Variants in CFAP97 observed in about 807,000 individuals in gnomAD.
CFAP97 encodes cilia- and flagella-associated protein 97.
A neutral mutation model predicts 43.1 loss-of-function variants in CFAP97; 36 were observed. That is an observed-to-expected ratio of 0.84 (90% CI 0.64 to 1.10). The LOEUF (loss-of-function observed/expected upper bound fraction) is 1.10. Among genes scored for constraint, CFAP97 ranks in the 50% least tolerant of loss-of-function variants. The pLI is 0.00. For synonymous variants in CFAP97, 228 were observed against 225.7 expected (o/e 1.01, Z -0.09); for missense variants, 657 against 620.3 (o/e 1.06, Z -0.63).
intron 2 of CFAP97, among the ~76,000 whole-genome samples, chr4:185,187,803 T>C (rs1300742738): frequency 6.6e-6 from 1 of 151,784 alleles, no homozygotes; most frequent in Non-Finnish European, 1.5e-5. Context: ...TCAGTATTTG[T>C]TTTAAGAGTT....
upstream of CFAP97, among the ~76,000 whole-genome samples, chr4:185,206,367 G>A (rs1737186775): frequency 6.6e-6 from 1 of 152,154 alleles, no homozygotes; most frequent in Non-Finnish European, 1.5e-5. Context: ...TGGTCTGCAG[G>A]ACAGACAGAA....
chr4:185,170,069 C>T, intron 3 of CFAP97: 1 of 1,204,218 alleles, frequency 8.3e-7, no homozygotes, highest in Non-Finnish European at 1.0e-6. Context: ...TCCTACAGGC[C>T]AGGCACAGTG....
At chr4:185,206,660 CAAAAAAAA>C (rs375061067), upstream of CFAP97, among the ~76,000 whole-genome samples, 1 of 77,438 alleles carries the variant, frequency 1.3e-5, no homozygotes, top group Non-Finnish European at 2.3e-5. Context: ...ACTCTTGTCT[CAAAAAAAA>C]AAAAAAAAAA....
At chr4:185,181,486 C>A (rs541734470) in intron 2 of CFAP97, among the ~76,000 whole-genome samples, 1 of 151,698 alleles carries the variant, frequency 6.6e-6, no homozygotes, top group African/African-American at 2.4e-5. Context: ...CCACCACGCA[C>A]GGCTAATTTT....
chr4:185,206,794 G>T (rs1390513415), upstream of CFAP97, among the ~76,000 whole-genome samples: 1 of 152,032 alleles, frequency 6.6e-6, no homozygotes. Context: ...TGGAGGCTGA[G>T]AACTCTGATG....
At position 185,191,075 on chromosome 4, in the gene CFAP97, T is replaced by G. The variant is rs751068719; in HGVS notation, c.122A>C (p.Lys41Thr). ...SVFDKQNDDP[K>T]ERIDKDTKNV... is the part of the protein sequence containing the mutation. Reference sequence around the variant, plus strand: ...TTTTGTATCTTTATCTATTCTTTCCTTTGGGTCATCATTTTGCTTGTCAAA... The same window carrying G: ...TTTTGTATCTTTATCTATTCTTTCCGTTGGGTCATCATTTTGCTTGTCAAA... Residue 41 changes from lysine to threonine, a missense_variant, in exon 2 of 5, where the codon AAG (lysine) becomes ACG (threonine). Transcript: ENST00000458385. 1 of 1,613,330 alleles carries G rather than the reference T, an allele frequency of 6.2e-7. No homozygotes were observed. Among genetic ancestry groups the G allele is most frequent in the South Asian group, 1.1e-5 (1 of 90,890 alleles).
intron 1 of CFAP97, among the ~76,000 whole-genome samples, chr4:185,199,884 G>A (rs1736747405): frequency 6.6e-6 from 1 of 152,116 alleles, no homozygotes; most frequent in African/African-American, 2.4e-5. Flanking sequence ...TCACCCAATA[G>A]CTCTAATGAA....
intron 1 of CFAP97, among the ~76,000 whole-genome samples, chr4:185,200,282 G>A (rs1486283462): frequency 6.6e-6 from 1 of 152,190 alleles, no homozygotes; most frequent in South Asian, 2.1e-4. Flanking sequence ...GACCAGTTGA[G>A]CCCAGAAGTT....
intron 3 of CFAP97, among the ~76,000 whole-genome samples, chr4:185,168,334 C>T (rs991184229): frequency 2.0e-5 from 3 of 151,110 alleles, no homozygotes; most frequent in African/African-American, 4.9e-5. Flanking sequence ...TGGCTGGGTG[C>T]GGTGGCTCAC....
intron 2 of CFAP97, among the ~76,000 whole-genome samples, chr4:185,189,107 C>A (rs183482917): frequency 1.4e-4 from 21 of 152,178 alleles, no homozygotes; most frequent in Admixed American, 1.4e-3. Context: ...TGTGGTGGGG[C>A]ATGACTGTGG....
upstream of CFAP97, among the ~76,000 whole-genome samples, chr4:185,208,156 T>G (rs769404998): frequency 2.6e-5 from 4 of 152,072 alleles, no homozygotes; most frequent in Non-Finnish European, 5.9e-5. Flanking sequence ...TTGCCCAAGC[T>G]GGAGTGCAAT....
At position 185,191,112 on chromosome 4, in the gene CFAP97, T is replaced by A. The variant is rs777157518; in HGVS notation, c.85A>T (p.Thr29Ser). 1 of 1,612,228 alleles carries A rather than the reference T, an allele frequency of 6.2e-7. No homozygotes were observed. The highest frequency in any genetic ancestry group is 1.7e-5 in the Admixed American group (1 of 59,858). Residue 29 changes from threonine (T) to serine (S), a missense_variant, in exon 2 of 5, where the codon ACT becomes TCT. By Grantham distance (58) the Thr-to-Ser change is moderately conservative. Coordinates refer to ENST00000458385, the MANE Select transcript of CFAP97 (RefSeq NM_020827.3). ...SDFEEGKKCE[T>S]NSVFDKQNDD... ...TTTTGCTTGTCAAAAACTGAGTTAG[T>A]TTCACATTTCTTTCCTTCTTCAAAG...
Position 185,193,471 on chromosome 4 carries a change from C to T in CFAP97, c.-16-2259G>A, listed in dbSNP as rs181836530. 2.6e-5 allele frequency among the ~76,000 whole-genome samples: 4 copies of T among 152,008 alleles called. No homozygotes were observed. The East Asian group carries it at 5.8e-4, about 22-fold the overall frequency. On this transcript the variant is annotated intron_variant, in intron 1 of 4. Transcript: ENST00000458385. ...ACTACTCTGGCCAATATAGTGAAAC[C>T]CCATCTCTACTAGAAATACAAAAAA... is the stretch of plus-strand genomic sequence containing the variant.
At chr4:185,205,579 C>T (rs775061784), upstream of CFAP97, among the ~76,000 whole-genome samples, 2 of 152,124 alleles carry the variant, frequency 1.3e-5, no homozygotes, top group Non-Finnish European at 2.9e-5. Flanking sequence ...TTTGTAATTC[C>T]GCACTTTGAG....
chr4:185,162,606 T>C lies in CFAP97; in HGVS notation c.*192A>G. The C allele has an allele frequency of 1.7e-6, 1 of 601,026 alleles. No individual in the cohort carries two copies. Among genetic ancestry groups the C allele is most frequent in the Non-Finnish European group, 2.9e-6 (1 of 348,814 alleles). 37.2% of individuals were successfully genotyped at this position (601,026 alleles called of 1,614,324 possible). A position where few individuals can be genotyped will look rare whatever the true frequency, so the allele number is the denominator to read the frequency against. ...ACATACATCTCATATAAATACATCC[T>C]CAGGAAACACTTTTTACATTAAATC... On this transcript the variant is annotated 3_prime_UTR_variant, in exon 5 of 5. Coordinates refer to ENST00000458385, the MANE Select transcript of CFAP97 (RefSeq NM_020827.3).
At chr4:185,203,030 T>C (rs1736958796) in intron 1 of CFAP97, among the ~76,000 whole-genome samples, 1 of 152,166 alleles carries the variant, frequency 6.6e-6, no homozygotes, top group African/African-American at 2.4e-5. Flanking sequence ...AACCCTTTGG[T>C]GCTCAATCAA....
In CFAP97 at chr4:185,161,834, T is replaced by C. The variant is rs1457793305; in HGVS notation, c.*964A>G. The C allele has an allele frequency of 6.6e-6, 1 of 152,238 alleles. No homozygotes were observed. Among genetic ancestry groups the C allele is most frequent in the Non-Finnish European group, 1.5e-5 (1 of 68,038 alleles). The allele number at this position is 152,238 out of a possible 1,614,324, so 9.4% of individuals were successfully genotyped here. ...TTCAAATTTTAGTTTTTTCAGGCCT[T>C]ATAAATACTTGCTGGAATTTCTAAA... On this transcript the variant is annotated 3_prime_UTR_variant, in exon 5 of 5. Coordinates refer to ENST00000458385, the MANE Select transcript of CFAP97 (RefSeq NM_020827.3).
chr4:185,197,273 A>G (rs1458538089), intron 1 of CFAP97, among the ~76,000 whole-genome samples: 1 of 152,148 alleles, frequency 6.6e-6, no homozygotes, highest in Non-Finnish European at 1.5e-5. Flanking sequence ...TAATTTTACT[A>G]ACTCACAATC....
intron 1 of CFAP97, among the ~76,000 whole-genome samples, chr4:185,197,339 T>C (rs556703438): frequency 3.2e-4 from 49 of 152,204 alleles, no homozygotes; most frequent in African/African-American, 1.2e-3. Context: ...CATATGTATA[T>C]AAACTTATTA....
Sources: gnomAD v4.1 joint callset for allele counts (sites outside exome capture counted in the v4.1 genomes callset) on GRCh38, gnomAD v4.1.1 for gene constraint, MANE v1.5 for transcripts, NCBI Gene and HGNC (gene_info 2026-07-23, HGNC 2026-07-21) for gene names.